The following SHANK2 variants were observed in gnomAD, a reference collection of about 807,000 sequenced individuals.
The protein encoded by SHANK2 is SH3 and multiple ankyrin repeat domains protein 2.
SHANK2 carries 43 observed loss-of-function variants against 133.7 expected under a neutral mutation model. The ratio of observed to expected loss-of-function variants is 0.32; its 90% CI spans 0.25 to 0.41. The LOEUF (loss-of-function observed/expected upper bound fraction) is 0.41, where lower values mean the gene tolerates loss of function less well. SHANK2 is among the 10% of genes least tolerant of loss of function. The probability of loss-of-function intolerance (pLI) is 1.00; values close to 1 mark genes in which losing one functional copy is unlikely to be tolerated. For synonymous variants in SHANK2, 1,017 were observed against 952.8 expected (o/e 1.07, Z -1.24); for missense variants, 1,994 against 2,235.8 (o/e 0.89, Z 2.18).
chr11:71,226,351 T>A (rs1954643784), intron 1 of SHANK2, among the ~76,000 whole-genome samples: 2 of 152,100 alleles, frequency 1.3e-5, no homozygotes, highest in African/African-American at 4.8e-5. Flanking sequence ...ACTTTAAATG[T>A]TTGAAATCCC....
At chr11:71,118,570 C>T (rs1275932488) in intron 4 of SHANK2, among the ~76,000 whole-genome samples, 1 of 147,494 alleles carries the variant, frequency 6.8e-6, no homozygotes, top group African/African-American at 2.7e-5. Context: ...CGCTATGATC[C>T]AATCACCTCC....
At chr11:70,937,685 C>CTT (rs797040452) in intron 10 of SHANK2, among the ~76,000 whole-genome samples, 1 of 146,172 alleles carries the variant, frequency 6.8e-6, no homozygotes. Flanking sequence ...GTGCGTGCAT[C>CTT]TTTTTTTTTT....
At chr11:70,892,605 G>A (rs538593676) in intron 11 of SHANK2, among the ~76,000 whole-genome samples, 48 of 152,312 alleles carry the variant, frequency 3.2e-4, no homozygotes, top group East Asian at 1.9e-3. Flanking sequence ...ATGGACATGG[G>A]GTTGAAATCT....
intron 12 of SHANK2, among the ~76,000 whole-genome samples, chr11:70,818,549 A>G (rs1948451939): frequency 6.6e-6 from 1 of 152,204 alleles, no homozygotes; most frequent in African/African-American, 2.4e-5. Flanking sequence ...AACTGTAGTC[A>G]GAAGTCTTGC....
intron 11 of SHANK2, among the ~76,000 whole-genome samples, chr11:70,849,162 C>G (rs1371933882): frequency 6.6e-6 from 1 of 152,164 alleles, no homozygotes; most frequent in Non-Finnish European, 1.5e-5. Context: ...ATACATACAC[C>G]CATAGGCAGG....
At chr11:71,249,688 G>A (rs539530996) in intron 1 of SHANK2, among the ~76,000 whole-genome samples, 11 of 152,176 alleles carry the variant, frequency 7.2e-5, no homozygotes, top group Non-Finnish European at 1.2e-4. Context: ...CGGGACTGAC[G>A]GGGATCCCAG....
At chr11:70,538,540 G>A (rs1554974568) in intron 17 of SHANK2, among the ~76,000 whole-genome samples, 1 of 152,374 alleles carries the variant, frequency 6.6e-6, no homozygotes, top group African/African-American at 2.4e-5. Flanking sequence ...GTCCCATGCA[G>A]TGTCCTGGCC....
chr11:71,138,805 A>G lies in SHANK2; in HGVS notation c.207+8315T>C, dbSNP rs1206836133. Among the ~76,000 whole-genome samples the G allele has an allele frequency of 1.0e-3, 128 of 125,948 alleles. 1 individual carries two copies. The highest frequency in any genetic ancestry group is 5.7e-3 in the African/African-American group (122 of 21,314). The allele number at this position is 125,948 out of a possible 152,430, so 82.6% of individuals were successfully genotyped here. ...GACCCTATCTCAAAAAAAAAAAAAA[A>G]AAGAAAAGAAAAAGAAAAAGAAAAA... On this transcript the variant is annotated intron_variant, in intron 3 of 25. Coordinates refer to ENST00000601538, the MANE Select transcript of SHANK2 (RefSeq NM_012309.5).
intron 15 of SHANK2, among the ~76,000 whole-genome samples, chr11:70,690,487 T>C (rs1384510367): frequency 2.2e-5 from 2 of 91,326 alleles, no homozygotes; most frequent in African/African-American, 8.5e-5. Flanking sequence ...ATACTTCCCA[T>C]GTTTTTTTTT....
chr11:70,533,618 T>C (rs1554973625), intron 17 of SHANK2, among the ~76,000 whole-genome samples: 1 of 152,158 alleles, frequency 6.6e-6, no homozygotes, highest in Non-Finnish European at 1.5e-5. Flanking sequence ...CATCAGCTTT[T>C]TGGGGGACAT....
intron 14 of SHANK2, among the ~76,000 whole-genome samples, chr11:70,769,726 AT>A (rs1434139850): frequency 1.5e-5 from 2 of 134,754 alleles, no homozygotes; most frequent in Non-Finnish European, 3.2e-5. Flanking sequence ...CGTGTGTTCT[AT>A]GTGGGCATGT....
At chr11:70,734,638 C>T (rs1414384248) in intron 14 of SHANK2, among the ~76,000 whole-genome samples, 1 of 152,236 alleles carries the variant, frequency 6.6e-6, no homozygotes, top group Non-Finnish European at 1.5e-5. Context: ...TACCAACTCT[C>T]CTCCCAGCCA....
chr11:70,484,317 T>G (rs955900938), intron 25 of SHANK2, among the ~76,000 whole-genome samples: 1 of 152,168 alleles, frequency 6.6e-6, no homozygotes, highest in Non-Finnish European at 1.5e-5. Flanking sequence ...GGAGTTCTCA[T>G]GAACGGTTTA....
At position 70,951,793 on chromosome 11, in the gene SHANK2, G is replaced by T. The variant is rs371707094; in HGVS notation, c.1108-55226C>A. Among the ~76,000 whole-genome samples the T allele has an allele frequency of 3.5e-4, 53 of 152,368 alleles. 1 individual carries two copies. The East Asian group carries it at 5.2e-3, about 15-fold the overall frequency. ...CCCCACCCAAAGGCTCTAGGGGAGG[G>T]TCTTTCCTGCCTCTCCCAACTTCAA... On this transcript the variant is annotated intron_variant, in intron 10 of 25. Coordinates refer to ENST00000601538, the MANE Select transcript of SHANK2 (RefSeq NM_012309.5).
intron 15 of SHANK2, among the ~76,000 whole-genome samples, chr11:70,670,833 G>A (rs1251274355): frequency 2.6e-5 from 4 of 152,182 alleles, no homozygotes; most frequent in Admixed American, 2.6e-4. Flanking sequence ...GCACGGAGGG[G>A]ACTCCTCCTG....
At chr11:71,170,582 C>A (rs577385240) in intron 2 of SHANK2, among the ~76,000 whole-genome samples, 1 of 152,290 alleles carries the variant, frequency 6.6e-6, no homozygotes, top group East Asian at 1.9e-4. Context: ...TGGGTGTGTA[C>A]CTAACTTTCA....
At chr11:70,494,323 TTTTC>T (rs1322084049) in intron 21 of SHANK2, among the ~76,000 whole-genome samples, 2 of 152,174 alleles carry the variant, frequency 1.3e-5, no homozygotes, top group East Asian at 3.8e-4. Context: ...CTTTTTTTTC[TTTTC>T]TTTAAGATGG....
chr11:71,207,161 C>T (rs1349607068), intron 2 of SHANK2, among the ~76,000 whole-genome samples: 1 of 148,296 alleles, frequency 6.7e-6, no homozygotes, highest in Non-Finnish European at 1.5e-5. Context: ...TTGGATTCAA[C>T]CAACACTTTA....
In SHANK2 at chr11:70,470,078, T is replaced by C. The variant is rs1384894439; in HGVS notation, c.*2791A>G. ...TTTGTTCCACCATTAAAGAGGGGCA[T>C]GGAATAGGGCCTCGTCCTAACATGT... On this transcript the variant is annotated 3_prime_UTR_variant, in exon 26 of 26. Transcript: ENST00000601538. 1.3e-5 allele frequency: 2 copies of C among 152,630 alleles called. No homozygotes were observed. Among genetic ancestry groups the C allele is most frequent in the Admixed American group, 6.5e-5 (1 of 15,286 alleles). 9.5% of individuals were successfully genotyped at this position (152,630 alleles called of 1,614,324 possible).
Sources: gnomAD v4.1 joint callset for allele counts (sites outside exome capture counted in the v4.1 genomes callset) on GRCh38, gnomAD v4.1.1 for gene constraint, MANE v1.5 for transcripts, NCBI Gene and HGNC (gene_info 2026-07-23, HGNC 2026-07-21) for gene names.